Variants in RAD51B observed in about 807,000 individuals in gnomAD.
RAD51B encodes the protein RAD51 paralog B, also known as DNA repair protein RAD51 homolog 2.
Under a neutral mutation model 42.2 loss-of-function variants are expected in RAD51B, and 38 were observed. The observed-to-expected ratio is 0.90, with a 90% CI of 0.70 to 1.18. The LOEUF (loss-of-function observed/expected upper bound fraction) is 1.18. RAD51B is among the 50% of genes most tolerant of loss of function. The pLI is 0.00. For synonymous variants in RAD51B, 154 were observed against 145.2 expected (o/e 1.06, Z -0.43); for missense variants, 373 against 400.7 (o/e 0.93, Z 0.59).
chr14:68,450,744 C>G (rs544172494), intron 9 of RAD51B, among the ~76,000 whole-genome samples: 1 of 152,184 alleles, frequency 6.6e-6, no homozygotes, highest in Admixed American at 6.5e-5. Flanking sequence ...ATCAGAAAAA[C>G]ATAAAGCCAT....
chr14:67,970,000 A>G (rs2074864686), intron 7 of RAD51B, among the ~76,000 whole-genome samples: 1 of 152,216 alleles, frequency 6.6e-6, no homozygotes, highest in Non-Finnish European at 1.5e-5. Context: ...TTTAAGAGGT[A>G]CCATCATATA....
At chr14:67,826,558 A>G (rs1384156247) in intron 3 of RAD51B, among the ~76,000 whole-genome samples, 1 of 152,220 alleles carries the variant, frequency 6.6e-6, no homozygotes, top group Non-Finnish European at 1.5e-5. Flanking sequence ...ACTGCCTTAT[A>G]TTGAAATTTA....
At chr14:68,226,886 A>G (rs2080049413) in intron 7 of RAD51B, among the ~76,000 whole-genome samples, 1 of 152,216 alleles carries the variant, frequency 6.6e-6, no homozygotes, top group African/African-American at 2.4e-5. Context: ...ATGCTTTGAT[A>G]CAGTCTTTGA....
In RAD51B at chr14:68,044,068, T is replaced by C. The variant is rs552992600; in HGVS notation, c.756+156864T>C. 6.8e-4 allele frequency among the ~76,000 whole-genome samples: 104 copies of C among 152,338 alleles called. 1 individual carries two copies. The highest frequency in any genetic ancestry group is 1.2e-3 in the Non-Finnish European group (83 of 68,012). On this transcript the variant is annotated intron_variant, in intron 7 of 10. Transcript: ENST00000471583. ...ATGATGACAAAAACAGGTTTTTTCT[T>C]GTCTACTGTCAGCTTCCTATTGTTT...
At chr14:68,302,743 G>C (rs1186964046) in intron 8 of RAD51B, among the ~76,000 whole-genome samples, 1 of 152,200 alleles carries the variant, frequency 6.6e-6, no homozygotes, top group Non-Finnish European at 1.5e-5. Context: ...CGAAGGGATG[G>C]GCCAAATTAA....
downstream of RAD51B, among the ~76,000 whole-genome samples, chr14:68,482,457 A>G (rs1337664540): frequency 1.3e-5 from 2 of 152,212 alleles, no homozygotes; most frequent in Non-Finnish European, 2.9e-5. Context: ...GGATTGCCAA[A>G]TGAGAATTCT....
At chr14:68,021,495 G>A (rs969672292) in intron 7 of RAD51B, among the ~76,000 whole-genome samples, 29 of 152,112 alleles carry the variant, frequency 1.9e-4, no homozygotes, top group Admixed American at 1.6e-3. Flanking sequence ...CTTTTAGAAC[G>A]TCATTTTTTC....
intron 9 of RAD51B, among the ~76,000 whole-genome samples, chr14:68,441,916 T>A (rs927841828): frequency 2.6e-5 from 4 of 152,226 alleles, no homozygotes; most frequent in Non-Finnish European, 2.9e-5. Context: ...CCTAACACTC[T>A]GCTCAGTTAT....
intron 7 of RAD51B, among the ~76,000 whole-genome samples, chr14:68,122,960 A>AAC (rs145099242): frequency 0.12 from 18,710 of 150,060 alleles, 1,390 homozygotes; most frequent in Middle Eastern, 0.31. Context: ...GTATAAAACA[A>AAC]ACACACACAC....
At chr14:68,352,301 A>G (rs953165416) in intron 8 of RAD51B, among the ~76,000 whole-genome samples, 5 of 152,226 alleles carry the variant, frequency 3.3e-5, no homozygotes, top group African/African-American at 1.2e-4. Context: ...ATCAGTTGTG[A>G]GACTGGACAA....
chr14:68,097,395 C>A (rs2077213979), intron 7 of RAD51B, among the ~76,000 whole-genome samples: 1 of 151,894 alleles, frequency 6.6e-6, no homozygotes, highest in African/African-American at 2.4e-5. Context: ...TTGACTTTTT[C>A]TGCTTGTTCT....
At chr14:68,039,994 T>A (rs1200646450) in intron 7 of RAD51B, among the ~76,000 whole-genome samples, 2 of 152,216 alleles carry the variant, frequency 1.3e-5, no homozygotes, top group East Asian at 3.8e-4. Context: ...ATCTACCCAC[T>A]GTTGGGAGGT....
chr14:67,898,697 A>C (rs2043505846), intron 7 of RAD51B, among the ~76,000 whole-genome samples: 1 of 152,226 alleles, frequency 6.6e-6, no homozygotes, highest in South Asian at 2.1e-4. Flanking sequence ...CATTAAACAT[A>C]CACAGTTTTG....
intron 8 of RAD51B, among the ~76,000 whole-genome samples, chr14:68,320,193 C>T (rs934527326): frequency 3.9e-5 from 6 of 152,150 alleles, no homozygotes; most frequent in South Asian, 4.1e-4. Flanking sequence ...AGAGTACTTT[C>T]GGTCTGAAAC....
intron 10 of RAD51B, among the ~76,000 whole-genome samples, chr14:68,549,478 C>T (rs1253038017): frequency 4.0e-5 from 5 of 125,524 alleles, no homozygotes; most frequent in Non-Finnish European, 8.2e-5. Context: ...TGCAGTGGCG[C>T]GATCTCGACT....
chr14:67,874,810 C>A (rs2042672999), intron 5 of RAD51B, among the ~76,000 whole-genome samples: 1 of 151,994 alleles, frequency 6.6e-6, no homozygotes, highest in Non-Finnish European at 1.5e-5. Context: ...AAAATTTTGG[C>A]AACCATGAGA....
chr14:67,974,854 A>AAT (rs2074962012), intron 7 of RAD51B, among the ~76,000 whole-genome samples: 1 of 152,164 alleles, frequency 6.6e-6, no homozygotes, highest in African/African-American at 2.4e-5. Context: ...TGTGAACTGT[A>AAT]TCAACTTTAA....
intron 8 of RAD51B, among the ~76,000 whole-genome samples, chr14:68,408,042 G>A (rs1956537): frequency 0.32 from 48,694 of 151,940 alleles, 10,422 homozygotes; most frequent in African/African-American, 0.61. Context: ...AAAACAGAGG[G>A]TGGCTTTAGT....
chr14:68,145,865 A>G (rs192785590), intron 7 of RAD51B, among the ~76,000 whole-genome samples: 96 of 152,368 alleles, frequency 6.3e-4, no homozygotes, highest in African/African-American at 1.9e-3. Context: ...CTGGCTAAAC[A>G]CTATTAGATA....
Sources: allele counts gnomAD v4.1 joint callset (sites outside exome capture counted in the v4.1 genomes callset), GRCh38; gene constraint gnomAD v4.1.1; transcripts MANE v1.5; gene names NCBI Gene and HGNC (gene_info 2026-07-23, HGNC 2026-07-21).